The following MDM4 variants were observed in gnomAD, a reference collection of about 807,000 sequenced individuals.
MDM4 encodes MDM4 regulator of p53.
In MDM4, 2 loss-of-function variants were observed where a neutral mutation model predicts 60.2. That is an observed-to-expected ratio of 0.03 (90% CI 0.01 to 0.10). The LOEUF (loss-of-function observed/expected upper bound fraction) is 0.10. Ranked by LOEUF, MDM4 falls within the 10% of genes least tolerant of loss-of-function variation. The pLI is 1.00. For missense variants in MDM4, 447 were observed against 577.5 expected (o/e 0.77, Z 2.32); for synonymous variants, 202 against 198.1 (o/e 1.02, Z -0.17).
At position 204,554,961 on chromosome 1, in the gene MDM4, C is replaced by G. The variant is rs759523615; in HGVS notation, c.*5279C>G. The G allele has an allele frequency of 9.1e-6, 2 of 220,944 alleles. No individual in the cohort carries two copies. Among genetic ancestry groups the G allele is most frequent in the Middle Eastern group, 1.3e-3 (1 of 746 alleles). The allele number at this position is 220,944 out of a possible 1,614,324, so 13.7% of individuals were successfully genotyped here. A position where few individuals can be genotyped will look rare whatever the true frequency, so the allele number is the denominator to read the frequency against. On this transcript the variant is annotated 3_prime_UTR_variant, in exon 11 of 11. Transcript: ENST00000367182. ...AGTAAATCTACACTTGGATTTGCTG[C>G]ACCTCTACCAATAGCCTTTTGAATG...
intron 1 of MDM4, among the ~76,000 whole-genome samples, chr1:204,518,433 C>G (rs567483302): frequency 3.9e-4 from 59 of 152,308 alleles, no homozygotes; most frequent in African/African-American, 1.4e-3. Context: ...AGAACACCTA[C>G]GTTCTGGATT....
chr1:204,526,938 T>TC (rs1349232979), intron 3 of MDM4, among the ~76,000 whole-genome samples: 2 of 152,116 alleles, frequency 1.3e-5, no homozygotes, highest in African/African-American at 4.8e-5. Flanking sequence ...TGTTATAAGA[T>TC]AAACATAAGA....
At chr1:204,548,332 G>A (rs1330428167) in intron 10 of MDM4, among the ~76,000 whole-genome samples, 2 of 152,170 alleles carry the variant, frequency 1.3e-5, no homozygotes, top group Admixed American at 6.5e-5. Context: ...GCCTCAGTCT[G>A]GACAATTGAG....
rs1572540440 is a variant in MDM4, at chr1:204,555,563, T to G, written c.*5881T>G. 1.7e-5 allele frequency: 3 copies of G among 173,860 alleles called. No individual in the cohort carries two copies. Among genetic ancestry groups the G allele is most frequent in the Non-Finnish European group, 2.5e-5 (2 of 80,404 alleles). 10.8% of individuals were successfully genotyped at this position (173,860 alleles called of 1,614,324 possible). A position where few individuals can be genotyped will look rare whatever the true frequency, so the allele number is the denominator to read the frequency against. ...GCAGTTGCTGTAATTTGGCAAATGCTTTATCGAAGATTGATATTAGGCTAG... is the reference window on the plus strand; with the variant it reads ...GCAGTTGCTGTAATTTGGCAAATGCGTTATCGAAGATTGATATTAGGCTAG... On this transcript the variant is annotated 3_prime_UTR_variant, in exon 11 of 11. Coordinates refer to ENST00000367182, the MANE Select transcript of MDM4 (RefSeq NM_002393.5).
chr1:204,551,767 C>G lies in MDM4; in HGVS notation c.*2085C>G, dbSNP rs77712688. The stretch of plus-strand genomic sequence containing the variant: ...GGGTTGCTTGTTAAAAATGTCCAAA[C>G]GTGCAGAGACTGATCTTTGAGATCT... On this transcript the variant is annotated 3_prime_UTR_variant, in exon 11 of 11. Transcript: ENST00000367182. 896 of 226,728 alleles carry G rather than the reference C, an allele frequency of 4.0e-3. 6 individuals carry two copies. Among genetic ancestry groups the G allele is most frequent in the African/African-American group, 0.018 (809 of 44,922 alleles). 14.0% of individuals were successfully genotyped at this position (226,728 alleles called of 1,614,324 possible). A position where few individuals can be genotyped will look rare whatever the true frequency, so the allele number is the denominator to read the frequency against.
rs547133912 is a variant in MDM4, at chr1:204,542,370, C to T, written c.512-414C>T. Among the ~76,000 whole-genome samples, 6 of 152,318 alleles carry T rather than the reference C, an allele frequency of 3.9e-5. No individual in the cohort carries two copies. The South Asian group carries it at 1.2e-3, about 32-fold the overall frequency. On this transcript the variant is annotated intron_variant, in intron 7 of 10. Coordinates refer to ENST00000367182, the MANE Select transcript of MDM4 (RefSeq NM_002393.5). Reference sequence around the variant, plus strand: ...TACCATCATTTGCAATGCTGTTAATCAAACTATTATCAGGCACTATGTACT... The same window carrying T: ...TACCATCATTTGCAATGCTGTTAATTAAACTATTATCAGGCACTATGTACT...
intron 3 of MDM4, chr1:204,528,901 C>A (rs1347623247): frequency 1.9e-6 from 3 of 1,594,314 alleles, no homozygotes; most frequent in Non-Finnish European, 8.6e-7. Flanking sequence ...CGAATGTTGC[C>A]TTGTACAGCT....
At chr1:204,518,994 A>G (rs530396808) in intron 1 of MDM4, among the ~76,000 whole-genome samples, 1 of 152,170 alleles carries the variant, frequency 6.6e-6, no homozygotes, top group Non-Finnish European at 1.5e-5. Flanking sequence ...AAGAGGTGAC[A>G]TTTAACCTGA....
At chr1:204,522,883 A>C (rs920243471) in intron 1 of MDM4, among the ~76,000 whole-genome samples, 1 of 128,086 alleles carries the variant, frequency 7.8e-6, no homozygotes, top group East Asian at 2.3e-4. Flanking sequence ...TTTTTTTGAG[A>C]TGGAGTTTCA....
intron 7 of MDM4, among the ~76,000 whole-genome samples, chr1:204,540,527 C>G (rs1403056233): frequency 6.6e-6 from 1 of 152,046 alleles, no homozygotes; most frequent in South Asian, 2.1e-4. Context: ...CTTTGGGAGG[C>G]TGAGGCAGGC....
rs1663140436 is a variant in MDM4 at position 204,550,899 on chromosome 1, T to C, written c.*1217T>C. On this transcript the variant is annotated 3_prime_UTR_variant, in exon 11 of 11. Transcript: ENST00000367182. ...CTGATTAAATTTATAGAAAAAGTCCTGTCATATAAACTGGCAAAGTCTGTT... is the reference window on the plus strand; with the variant it reads ...CTGATTAAATTTATAGAAAAAGTCCCGTCATATAAACTGGCAAAGTCTGTT... 1 of 180,842 alleles carries C rather than the reference T, an allele frequency of 5.5e-6. No individual in the cohort carries two copies. The highest frequency in any genetic ancestry group is 1.2e-5 in the Non-Finnish European group (1 of 84,634). 11.2% of individuals were successfully genotyped at this position (180,842 alleles called of 1,614,324 possible).
At chr1:204,533,402 G>T (rs1297188091) in intron 5 of MDM4, among the ~76,000 whole-genome samples, 1 of 93,702 alleles carries the variant, frequency 1.1e-5, no homozygotes, top group Non-Finnish European at 2.2e-5. Flanking sequence ...GGTTGCCCAG[G>T]CTGGAGTGCA....
intron 9 of MDM4, 101 bp from the exon 10 acceptor site, chr1:204,546,696 A>AAT: frequency 1.4e-6 from 1 of 722,602 alleles, no homozygotes; most frequent in Non-Finnish European, 2.4e-6. Flanking sequence ...TGGGAGAAGA[A>AAT]TGTGAGTTTT....
chr1:204,522,626 C>T (rs1054413381), intron 1 of MDM4, among the ~76,000 whole-genome samples: 26 of 151,942 alleles, frequency 1.7e-4, no homozygotes, highest in African/African-American at 6.3e-4. Flanking sequence ...GATCTCTTGA[C>T]CTCATGATCT....
At position 204,549,653 on chromosome 1, in the gene MDM4, C is replaced by G; in HGVS notation, c.1444C>G (p.Gln482Glu). The G allele has an allele frequency of 6.4e-7, 1 of 1,574,534 alleles. No individual in the cohort carries two copies. Among genetic ancestry groups the G allele is most frequent in the Non-Finnish European group, 8.6e-7 (1 of 1,166,214 alleles). ...ASCPICKKEI[Q>E]LVIKVFIA ...ATGCCCTATTTGCAAGAAAGAGATT[C>G]AGCTGGTTATTAAGGTTTTTATAGC... The change falls in exon 11 of 11, where the codon CAG becomes GAG. Residue 482 changes from glutamine to glutamate, a missense_variant. Physicochemically the swap from Gln to Glu is conservative, Grantham distance 29 (BLOSUM62 2). This residue lies in a region of MDM4 where 26 missense variants were observed against 70.0 expected (regional missense o/e 0.37). Transcript: ENST00000367182.
intron 7 of MDM4, among the ~76,000 whole-genome samples, chr1:204,539,030 C>T (rs1216931521): frequency 2.6e-5 from 4 of 152,128 alleles, no homozygotes; most frequent in East Asian, 3.9e-4. Context: ...CCACCACACC[C>T]GGCTAATTTT....
intron 10 of MDM4, 69 bp from the exon 11 acceptor site, chr1:204,549,030 TGTGAATGAATTTGA>T: frequency 1.2e-6 from 1 of 822,946 alleles, no homozygotes; most frequent in Non-Finnish European, 2.0e-6. Flanking sequence ...AGTGAGAGGA[TGTGAATGAATTTGA>T]CCTCCTTTCC....
At position 204,555,989 on chromosome 1, in the gene MDM4, C is replaced by G. The variant is rs538198402; in HGVS notation, c.*6307C>G. The G allele has an allele frequency of 9.5e-6, 2 of 210,748 alleles. No individual in the cohort carries two copies. The highest frequency in any genetic ancestry group is 1.9e-5 in the Non-Finnish European group (2 of 104,000). 13.1% of individuals were successfully genotyped at this position (210,748 alleles called of 1,614,324 possible). On this transcript the variant is annotated 3_prime_UTR_variant, in exon 11 of 11. Transcript: ENST00000367182. ...ACAAATATTTCTGATCAGATAGTCC[C>G]CTGTCAACAGTAGCAAATGTGGTTT...
At position 204,551,459 on chromosome 1, in the gene MDM4, C is replaced by CTGTTTTTTTT. The variant is rs1558341326; in HGVS notation, c.*1778_*1779insGTTTTTTTTT. On this transcript the variant is annotated 3_prime_UTR_variant, in exon 11 of 11. Transcript: ENST00000367182. ...ATATACTGGATGGTTGAGAGGCAGCCTCTTTTTTTTTTTTTTTTTTTTTTT... is the reference window on the plus strand; with the variant it reads ...ATATACTGGATGGTTGAGAGGCAGCCTGTTTTTTTTTCTTTTTTTTTTTTTTTTTTTTTTT... 6.6e-6 allele frequency: 1 copy of CTGTTTTTTTT among 151,176 alleles called. No individual in the cohort carries two copies. The highest frequency in any genetic ancestry group is 1.1e-5 in the Non-Finnish European group (1 of 90,372). 9.4% of individuals were successfully genotyped at this position (151,176 alleles called of 1,614,324 possible).
Sources: allele counts gnomAD v4.1 joint callset (sites outside exome capture counted in the v4.1 genomes callset), GRCh38; gene constraint gnomAD v4.1.1; regional missense constraint gnomAD v4.1.1; transcripts MANE v1.5; gene names NCBI Gene and HGNC (gene_info 2026-07-23, HGNC 2026-07-21).